OTP: variants seen among roughly 807,000 people sequenced by gnomAD.
OTP encodes orthopedia homeobox, also known as homeobox protein orthopedia.
Under a neutral mutation model 22.3 loss-of-function variants are expected in OTP, and 5 were observed. That is an observed-to-expected ratio of 0.22 (90% CI 0.12 to 0.47). The LOEUF (loss-of-function observed/expected upper bound fraction) is 0.47, where lower values mean the gene tolerates loss of function less well. Among genes scored for constraint, OTP ranks in the 20% least tolerant of loss-of-function variants. The probability of loss-of-function intolerance (pLI) is 0.99; values close to 1 mark genes in which losing one functional copy is unlikely to be tolerated. For missense variants in OTP, 428 were observed against 456.2 expected (o/e 0.94, Z 0.56); for synonymous variants, 229 against 210.6 (o/e 1.09, Z -0.76).
chr5:77,633,943 T>C (rs965158375), intron 2 of OTP, among the ~76,000 whole-genome samples: 1 of 152,188 alleles, frequency 6.6e-6, no homozygotes, highest in Non-Finnish European at 1.5e-5. Context: ...TACAGTTTAA[T>C]AGTGCTGGGA....
chr5:77,638,551 G>A lies in OTP; in HGVS notation c.-2C>T. 1.3e-6 allele frequency: 2 copies of A among 1,568,866 alleles called. No homozygotes were observed. The highest frequency in any genetic ancestry group is 1.7e-6 in the Non-Finnish European group (2 of 1,161,438). ...CAGGAGGTCGGCATGAGACAGCATC[G>A]CGCACCGCTCCAGGGCGAAAGCTGT... On this transcript the variant is annotated 5_prime_UTR_variant, in exon 1 of 3. Transcript: ENST00000306422.
rs1379518548 is a variant in OTP at position 77,638,643 on chromosome 5, G to GAT, written c.-96_-95dup. On this transcript the variant is annotated 5_prime_UTR_variant, in exon 1 of 3. The change abolishes the stop of an existing upstream ORF in the 5' untranslated region. Transcript: ENST00000306422. ...TATAAGCTATAAGCTATACGATATA[G>GAT]ATATATATAGATCACCTAAATGAAA... 9.5e-6 allele frequency: 11 copies of GAT among 1,163,522 alleles called. No individual in the cohort carries two copies. Among genetic ancestry groups the GAT allele is most frequent in the East Asian group, 2.9e-5 (1 of 35,056 alleles). The allele number at this position is 1,163,522 out of a possible 1,614,324, so 72.1% of individuals were successfully genotyped here.
intron 2 of OTP, chr5:77,636,206 C>G (rs1312571664): frequency 6.6e-6 from 1 of 152,212 alleles, no homozygotes; most frequent in Non-Finnish European, 1.5e-5. Flanking sequence ...TTGGGAATCT[C>G]GTCAGCTGCC....
At chr5:77,632,104 ATTT>A (rs11331444) in intron 2 of OTP, among the ~76,000 whole-genome samples, 2 of 148,250 alleles carry the variant, frequency 1.3e-5, no homozygotes, top group Non-Finnish European at 1.5e-5. Flanking sequence ...CAGCCTTCCT[ATTT>A]TTTTTTTTTT....
chr5:77,638,363 G>T, intron 1 of OTP, 150 bp downstream of exon 1: 2 of 727,614 alleles, frequency 2.7e-6, no homozygotes, highest in Non-Finnish European at 4.6e-6. Flanking sequence ...TTTTTTAAAG[G>T]CGATGTTAAA....
At chr5:77,631,551 C>CTTTTTTTTTTTTTTT (rs70988699) in intron 2 of OTP, among the ~76,000 whole-genome samples, 1 of 74,232 alleles carries the variant, frequency 1.3e-5, no homozygotes, top group Non-Finnish European at 2.4e-5. Flanking sequence ...CAACCCTATT[C>CTTTTTTTTTTTTTTT]TTTTTTTTTT....
At chr5:77,635,770 A>G (rs1330687761) in intron 2 of OTP, among the ~76,000 whole-genome samples, 2 of 152,190 alleles carry the variant, frequency 1.3e-5, no homozygotes, top group East Asian at 3.9e-4. Flanking sequence ...CGTACAGAAA[A>G]TACCACCGTC....
chr5:77,638,665 G>A lies in OTP; in HGVS notation c.-116C>T, dbSNP rs1002423611. The A allele has an allele frequency of 2.9e-6, 3 of 1,022,254 alleles. No individual in the cohort carries two copies. Among genetic ancestry groups the A allele is most frequent in the Non-Finnish European group, 4.0e-6 (3 of 745,404 alleles). 63.3% of individuals were successfully genotyped at this position (1,022,254 alleles called of 1,614,324 possible). On this transcript the variant is annotated 5_prime_UTR_variant, in exon 1 of 3. Transcript: ENST00000306422. ...ATAGATATATATAGATCACCTAAAT[G>A]AAAGAAAATTCGGTTTGTGGTTAAA... is the stretch of plus-strand genomic sequence containing the variant.
In OTP at chr5:77,636,965, T is replaced by A; in HGVS notation, c.303A>T (p.Gln101His). Residue 101 changes from glutamine (Q) to histidine (H), a missense_variant, in exon 2 of 3, where the codon CAA (glutamine) becomes CAT (histidine). Transcript: ENST00000306422. ...GCGTCCGGTGGCGCTTCTGCTTCTGTTGGCCCTGCTGCTGGCCGGCTTGGC... is the reference window on the plus strand; with the variant it reads ...GCGTCCGGTGGCGCTTCTGCTTCTGATGGCCCTGCTGCTGGCCGGCTTGGC... ...NPSQAGQQQGQQKQKRHRTRF... is the reference protein window; with the variant it reads ...NPSQAGQQQGHQKQKRHRTRF... 6.2e-7 allele frequency: 1 copy of A among 1,614,082 alleles called. No individual in the cohort carries two copies. The highest frequency in any genetic ancestry group is 1.6e-4 in the Middle Eastern group (1 of 6,062).
chr5:77,632,730 C>T lies in OTP; in HGVS notation c.448-1936G>A, dbSNP rs10074956. Among the ~76,000 whole-genome samples the T allele has an allele frequency of 2.6e-5, 4 of 152,250 alleles. No individual in the cohort carries two copies. In the East Asian group the frequency reaches 7.7e-4, roughly 29 times the overall value. ...TTCTACCCCATTTTGCAGATTGCTG[C>T]GTATCCCAGTGTCGGCGATGGATAA... On this transcript the variant is annotated intron_variant, in intron 2 of 2. Transcript: ENST00000306422.
intron 1 of OTP, among the ~76,000 whole-genome samples, chr5:77,638,245 T>A (rs1745039729): frequency 9.9e-6 from 1 of 101,494 alleles, no homozygotes; most frequent in African/African-American, 3.9e-5. Flanking sequence ...GTATATCGCC[T>A]TTCGAAAAAA....
At chr5:77,632,803 C>T (rs1043341531) in intron 2 of OTP, among the ~76,000 whole-genome samples, 30 of 152,072 alleles carry the variant, frequency 2.0e-4, no homozygotes, top group African/African-American at 7.0e-4. Flanking sequence ...GGTGGCACAA[C>T]GGATTAATGA....
intron 2 of OTP, among the ~76,000 whole-genome samples, chr5:77,634,497 ACAATT>A (rs1181720823): frequency 6.6e-6 from 1 of 152,262 alleles, no homozygotes; most frequent in Non-Finnish European, 1.5e-5. Context: ...TTAAAAATAT[ACAATT>A]GCAATGAATT....
chr5:77,636,571 C>T (rs1745010842), intron 2 of OTP: 1 of 442,028 alleles, frequency 2.3e-6, no homozygotes, highest in Admixed American at 4.0e-5. Flanking sequence ...CCGACAACGC[C>T]GGGCTTCGAT....
intron 1 of OTP, among the ~76,000 whole-genome samples, chr5:77,638,278 A>C (rs1333782232): frequency 6.8e-6 from 1 of 146,956 alleles, no homozygotes; most frequent in Non-Finnish European, 1.5e-5. Context: ...GGGAGGGGGG[A>C]AGAGAAAAAT....
chr5:77,638,523 G>T lies in OTP; in HGVS notation c.27C>A (p.Asp9Glu), dbSNP rs759611030. 1 of 1,577,466 alleles carries T rather than the reference G, an allele frequency of 6.3e-7. No individual in the cohort carries two copies. Among genetic ancestry groups the T allele is most frequent in the Non-Finnish European group, 8.6e-7 (1 of 1,162,638 alleles). Reference protein sequence around the residue: MLSHADLLDARLGMKDAAE... With the variant: MLSHADLLEARLGMKDAAE... ...GAGGCGCGCACTCACCTAGCCTGGC[G>T]TCCAGGAGGTCGGCATGAGACAGCA... Residue 9 changes from aspartate to glutamate, a missense_variant, in exon 1 of 3, where the codon GAC becomes GAA. By Grantham distance (45) the Asp-to-Glu change is conservative. Around this residue, in one of 3 missense-constraint regions of OTP, gnomAD observed 176 missense variants for 162.9 expected, o/e 1.08. Transcript: ENST00000306422.
chr5:77,630,795 C>A lies in OTP; in HGVS notation c.448-1G>T. 6.5e-7 allele frequency: 1 copy of A among 1,537,484 alleles called. No homozygotes were observed. ...TGGCGCGTCGGTTCTGGAACCAGACCTGGAGCGGGCGGGGCGGGAGACAGA... is the reference window on the plus strand; with the variant it reads ...TGGCGCGTCGGTTCTGGAACCAGACATGGAGCGGGCGGGGCGGGAGACAGA... On this transcript the variant is annotated splice_acceptor_variant, in intron 2 of 2. Transcript: ENST00000306422. LOFTEE classifies it high-confidence loss of function.
chr5:77,630,383 C>A lies in OTP; in HGVS notation c.859G>T (p.Val287Phe). ...VPASLPGPSN[V>F]SGSPQLCSSP... ...CTGCAGAGCTGGGGCGAACCGGAGA[C>A]GTTGCTGGGGCCGGGGAGGGAGGCG... Residue 287 changes from valine (V) to phenylalanine (F), a missense_variant, in exon 3 of 3, where the codon GTC becomes TTC. Val to Phe is a conservative substitution (Grantham distance 50). This residue lies in a region of OTP where 236 missense variants were observed against 238.1 expected (regional missense o/e 0.99). Transcript: ENST00000306422. 6.3e-7 allele frequency: 1 copy of A among 1,579,258 alleles called. No homozygotes were observed. Among genetic ancestry groups the A allele is most frequent in the Non-Finnish European group, 8.6e-7 (1 of 1,166,290 alleles).
intron 2 of OTP, among the ~76,000 whole-genome samples, chr5:77,634,663 GGT>G: frequency 6.6e-6 from 1 of 152,154 alleles, no homozygotes; most frequent in South Asian, 2.1e-4. Context: ...AAGGAGCAAT[GGT>G]ACAGTGAATT....
Sources: gnomAD v4.1 joint callset for allele counts (sites outside exome capture counted in the v4.1 genomes callset) on GRCh38, gnomAD v4.1.1 for gene constraint, gnomAD v4.1.1 regional missense constraint, MANE v1.5 for transcripts, NCBI Gene and HGNC (gene_info 2026-07-23, HGNC 2026-07-21) for gene names.